The following DLG2 variants were observed in gnomAD, a reference collection of about 807,000 sequenced individuals.
The protein encoded by DLG2 is discs large MAGUK scaffold protein 2.
Under a neutral mutation model 132.5 loss-of-function variants are expected in DLG2, and 45 were observed. That is an observed-to-expected ratio of 0.34 (90% CI 0.27 to 0.44). The LOEUF is 0.44. DLG2 is among the 20% of genes least tolerant of loss of function. The pLI is 1.00. For synonymous variants in DLG2, 424 were observed against 419.6 expected (o/e 1.01, Z -0.13); for missense variants, 1,045 against 1,196.9 (o/e 0.87, Z 1.87).
chr11:85,466,775 A>T (rs1380554152), intron 3 of DLG2, among the ~76,000 whole-genome samples: 1 of 152,122 alleles, frequency 6.6e-6, no homozygotes, highest in African/African-American at 2.4e-5. Flanking sequence ...TTGGCTTAGG[A>T]TTGACTTGGC....
intron 4 of DLG2, among the ~76,000 whole-genome samples, chr11:85,187,697 G>A (rs1334110077): frequency 6.6e-6 from 1 of 152,110 alleles, no homozygotes; most frequent in Non-Finnish European, 1.5e-5. Context: ...AGCTCAGTTT[G>A]CTAGTTCTAT....
At chr11:84,950,027 C>T (rs893586327) in intron 6 of DLG2, among the ~76,000 whole-genome samples, 21 of 152,318 alleles carry the variant, frequency 1.4e-4, no homozygotes, top group Admixed American at 4.6e-4. Flanking sequence ...TCACAATCCA[C>T]GTTCTTCTGC....
At chr11:85,531,869 T>C (rs1233813079) in intron 3 of DLG2, among the ~76,000 whole-genome samples, 1 of 152,186 alleles carries the variant, frequency 6.6e-6, no homozygotes, top group African/African-American at 2.4e-5. Context: ...GTGAGAAAGA[T>C]GCTAATATGT....
At chr11:85,302,844 T>C (rs2079683891) in intron 3 of DLG2, among the ~76,000 whole-genome samples, 3 of 152,198 alleles carry the variant, frequency 2.0e-5, no homozygotes, top group Admixed American at 1.3e-4. Context: ...AAGGCTTACT[T>C]TTATTGAGCT....
chr11:84,994,985 T>G (rs1397812647), intron 6 of DLG2, among the ~76,000 whole-genome samples: 1 of 152,072 alleles, frequency 6.6e-6, no homozygotes, highest in Non-Finnish European at 1.5e-5. Flanking sequence ...TCTGGAGACT[T>G]CTGAATGCAA....
At chr11:84,874,803 C>G (rs1296806620) in intron 6 of DLG2, among the ~76,000 whole-genome samples, 1 of 151,958 alleles carries the variant, frequency 6.6e-6, no homozygotes, top group Non-Finnish European at 1.5e-5. Flanking sequence ...AGCTGATTAC[C>G]TGAGGTCAGG....
intron 19 of DLG2, among the ~76,000 whole-genome samples, chr11:83,584,978 T>G (rs951932878): frequency 6.6e-6 from 1 of 152,236 alleles, no homozygotes; most frequent in African/African-American, 2.4e-5. Flanking sequence ...TTTTTAGGAC[T>G]GAAATAAAAA....
chr11:85,155,954 TG>T (rs1437450138), intron 4 of DLG2, among the ~76,000 whole-genome samples: 1 of 152,142 alleles, frequency 6.6e-6, no homozygotes, highest in African/African-American at 2.4e-5. Context: ...AAATGGTTTT[TG>T]CCAACTCTCC....
chr11:84,723,963 G>A (rs1007319115), intron 6 of DLG2, among the ~76,000 whole-genome samples: 1 of 152,084 alleles, frequency 6.6e-6, no homozygotes, highest in Non-Finnish European at 1.5e-5. Flanking sequence ...TTTTGATCTT[G>A]TATTTATTAT....
intron 7 of DLG2, among the ~76,000 whole-genome samples, chr11:84,307,712 A>G (rs2098238768): frequency 7.0e-6 from 1 of 143,068 alleles, no homozygotes; most frequent in Admixed American, 7.1e-5. Flanking sequence ...AAAAAAAAAA[A>G]AAAAGAAGCC....
intron 18 of DLG2, among the ~76,000 whole-genome samples, chr11:83,641,155 C>T (rs930368949): frequency 5.9e-5 from 9 of 152,108 alleles, no homozygotes; most frequent in African/African-American, 1.9e-4. Context: ...ACACAAGACT[C>T]TTCTGATTTC....
At chr11:85,446,233 T>C (rs2092003266) in intron 3 of DLG2, among the ~76,000 whole-genome samples, 1 of 152,242 alleles carries the variant, frequency 6.6e-6, no homozygotes, top group Non-Finnish European at 1.5e-5. Flanking sequence ...TTAAGTCTGA[T>C]AGATTTAACA....
chr11:84,875,500 G>GA (rs760545544), intron 6 of DLG2, among the ~76,000 whole-genome samples: 5,925 of 137,598 alleles, frequency 0.043, 127 homozygotes, highest in African/African-American at 0.061. Flanking sequence ...TTTCCTGGTG[G>GA]AAAAAAAAAA....
intron 6 of DLG2, among the ~76,000 whole-genome samples, chr11:84,746,443 TA>T (rs35862778): frequency 0.022 from 3,211 of 144,918 alleles, 95 homozygotes; most frequent in African/African-American, 0.071. Context: ...TAGACTTGAT[TA>T]AAAAAAAAAA....
chr11:83,599,287 C>A (rs953723430), intron 19 of DLG2, among the ~76,000 whole-genome samples: 1 of 152,112 alleles, frequency 6.6e-6, no homozygotes, highest in African/African-American at 2.4e-5. Flanking sequence ...TCATGCCTAA[C>A]CCCTCCAGAG....
intron 15 of DLG2, among the ~76,000 whole-genome samples, chr11:83,890,621 G>T (rs567145208): frequency 2.0e-5 from 3 of 152,260 alleles, no homozygotes; most frequent in South Asian, 2.1e-4. Context: ...TTCATCTGTA[G>T]TCCTGTCATC....
intron 3 of DLG2, among the ~76,000 whole-genome samples, chr11:85,294,983 A>C (rs2079128723): frequency 6.6e-6 from 1 of 152,166 alleles, no homozygotes; most frequent in Non-Finnish European, 1.5e-5. Flanking sequence ...TCCTTGATGA[A>C]TAAATGTGCT....
intron 5 of DLG2, among the ~76,000 whole-genome samples, chr11:85,118,746 G>A (rs531807787): frequency 3.9e-5 from 6 of 151,976 alleles, no homozygotes; most frequent in South Asian, 2.1e-4. Flanking sequence ...GACTGGACCC[G>A]GGTTACAATG....
intron 14 of DLG2, among the ~76,000 whole-genome samples, chr11:83,955,091 A>C (rs2086498724): frequency 6.6e-6 from 1 of 152,228 alleles, no homozygotes; most frequent in African/African-American, 2.4e-5. Flanking sequence ...TTTTTTCAAT[A>C]GTATTAATAA....
Sources: allele counts gnomAD v4.1 joint callset (sites outside exome capture counted in the v4.1 genomes callset), GRCh38; gene constraint gnomAD v4.1.1; transcripts MANE v1.5; gene names NCBI Gene and HGNC (gene_info 2026-07-23, HGNC 2026-07-21).